The following PCDH11X variants were observed in gnomAD, a reference collection of about 807,000 sequenced individuals.
PCDH11X encodes protocadherin 11 X-linked, also known as protocadherin-11 X-linked.
Under a neutral mutation model 53.3 loss-of-function variants are expected in PCDH11X, and 18 were observed. The observed-to-expected ratio is 0.34, with a 90% CI of 0.23 to 0.50. PCDH11X has a LOEUF of 0.50. Ranked by LOEUF, PCDH11X falls within the 20% of genes least tolerant of loss-of-function variation. The pLI is 0.98. For missense variants in PCDH11X, 570 were observed against 1,032.4 expected (o/e 0.55, Z 6.14); for synonymous variants, 279 against 393.3 (o/e 0.71, Z 3.44).
intron 10 of PCDH11X, among the ~76,000 whole-genome samples, chrX:92,525,024 A>T (rs2074425334): frequency 8.9e-6 from 1 of 111,884 alleles, no homozygotes; most frequent in African/African-American, 3.2e-5. Flanking sequence ...AGGAATCCTT[A>T]AATGGAAACT....
intron 6 of PCDH11X, among the ~76,000 whole-genome samples, chrX:92,184,596 T>C (rs2066057924): frequency 8.9e-6 from 1 of 111,874 alleles, no homozygotes; most frequent in Non-Finnish European, 1.9e-5. Flanking sequence ...TACAAAGCTA[T>C]AGTAACAAAA....
At chrX:92,371,170 T>C (rs1257395664) in intron 8 of PCDH11X, among the ~76,000 whole-genome samples, 2 of 110,512 alleles carry the variant, frequency 1.8e-5, no homozygotes, top group Non-Finnish European at 3.8e-5. Flanking sequence ...GCCAGTGTAA[T>C]GTCTTATAAT....
chrX:92,474,989 C>G (rs948846104), intron 10 of PCDH11X, among the ~76,000 whole-genome samples: 2 of 103,031 alleles, frequency 1.9e-5, no homozygotes, highest in Non-Finnish European at 2.0e-5. Context: ...GACGGTGAAA[C>G]CCCGTCTCTA....
chrX:92,433,070 T>C, intron 9 of PCDH11X, among the ~76,000 whole-genome samples: 1 of 110,704 alleles, frequency 9.0e-6, no homozygotes, highest in African/African-American at 3.3e-5. Context: ...CCTTAGTTTC[T>C]GCAATAGAAA....
Position 92,623,187 on chromosome X carries a change from T to G in PCDH11X, c.*4247T>G, listed in dbSNP as rs1928643856. The G allele has an allele frequency of 9.0e-6, 1 of 110,683 alleles. No homozygotes were observed. The allele number at this position is 110,683 out of a possible 1,213,427, so 9.1% of individuals were successfully genotyped here. ...GTTCTATTTCAGGTTCTGTATTGCATGTTTTCTTATTAATATATATTAATA... is the reference window on the plus strand; with the variant it reads ...GTTCTATTTCAGGTTCTGTATTGCAGGTTTTCTTATTAATATATATTAATA... On this transcript the variant is annotated 3_prime_UTR_variant, in exon 11 of 11. Coordinates refer to ENST00000682573, the MANE Select transcript of PCDH11X (RefSeq NM_032968.5).
chrX:92,360,626 G>A (rs1224568474), intron 8 of PCDH11X, among the ~76,000 whole-genome samples: 1 of 110,568 alleles, frequency 9.0e-6, no homozygotes, highest in Non-Finnish European at 1.9e-5. Flanking sequence ...AAGTTTTCTA[G>A]ATATCATCAA....
At chrX:92,278,806 G>GTTTTTTTTCTTTTTT (rs2068173579) in intron 8 of PCDH11X, among the ~76,000 whole-genome samples, 13 of 47,378 alleles carry the variant, frequency 2.7e-4, no homozygotes, top group African/African-American at 1.1e-3. Context: ...TCTCTTTTCA[G>GTTTTTTTTCTTTTTT]TTTTTTTTTT....
rs1288500469 is a variant in PCDH11X, at chrX:91,922,643, T to A, written c.3033+43370T>A. On this transcript the variant is annotated intron_variant, in intron 6 of 10. Transcript: ENST00000682573. ...GGAGCATAAACCCTATTGTGAACTG[T>A]GCATGCGAGGGATCTAGGTTGTGCG... Among the ~76,000 whole-genome samples, 4 of 112,295 alleles carry A rather than the reference T, an allele frequency of 3.6e-5. No homozygotes were observed. In the South Asian group the frequency reaches 1.1e-3, roughly 31 times the overall value.
At chrX:92,357,395 T>C (rs2070236039) in intron 8 of PCDH11X, among the ~76,000 whole-genome samples, 1 of 111,529 alleles carries the variant, frequency 9.0e-6, no homozygotes, top group South Asian at 3.8e-4. Context: ...TTTTACCCTG[T>C]GCTATGGTCA....
intron 6 of PCDH11X, among the ~76,000 whole-genome samples, chrX:92,086,643 G>T: frequency 9.0e-6 from 1 of 111,386 alleles, no homozygotes; most frequent in African/African-American, 3.3e-5. Flanking sequence ...GTGCAATAGA[G>T]GACATACACC....
intron 6 of PCDH11X, among the ~76,000 whole-genome samples, chrX:92,144,145 C>T (rs1219284399): frequency 2.7e-5 from 3 of 110,771 alleles, no homozygotes; most frequent in African/African-American, 1.0e-4. Flanking sequence ...ATTATATAGG[C>T]TCATAGGCAG....
intron 10 of PCDH11X, among the ~76,000 whole-genome samples, chrX:92,497,417 A>ATTT (rs368282010): frequency 7.3e-4 from 77 of 105,357 alleles, no homozygotes; most frequent in Admixed American, 3.8e-3. Context: ...CTTTGTAAGA[A>ATTT]TTTTTTTTTT....
At chrX:92,259,748 A>G (rs759082529) in intron 7 of PCDH11X, among the ~76,000 whole-genome samples, 8 of 111,753 alleles carry the variant, frequency 7.2e-5, no homozygotes, top group Middle Eastern at 4.6e-3. Context: ...AAGGTCCTTG[A>G]TGTAGTACCT....
intron 8 of PCDH11X, among the ~76,000 whole-genome samples, chrX:92,276,063 G>A (rs956067292): frequency 3.5e-4 from 38 of 109,799 alleles, no homozygotes; most frequent in Middle Eastern, 9.3e-3. Context: ...GGGCAGGTGG[G>A]GATAACTAAA....
chrX:92,214,133 A>T (rs2066642099), intron 7 of PCDH11X, among the ~76,000 whole-genome samples: 1 of 111,973 alleles, frequency 8.9e-6, no homozygotes, highest in Admixed American at 9.5e-5. Flanking sequence ...ATTGAGAGTG[A>T]AATGGAGGCC....
chrX:91,914,789 A>C (rs113841781), intron 6 of PCDH11X, among the ~76,000 whole-genome samples: 1,546 of 112,151 alleles, frequency 0.014, 36 homozygotes, highest in African/African-American at 0.048. Flanking sequence ...GGTGTTCCTG[A>C]GAAGAGAAAT....
intron 6 of PCDH11X, among the ~76,000 whole-genome samples, chrX:91,974,099 T>C (rs2062013467): frequency 9.0e-6 from 1 of 111,637 alleles, no homozygotes; most frequent in African/African-American, 3.3e-5. Flanking sequence ...TAGCAAAGCT[T>C]TAAGAATGTT....
chrX:92,201,945 TG>T (rs2066398308), intron 7 of PCDH11X, among the ~76,000 whole-genome samples: 1 of 111,392 alleles, frequency 9.0e-6, no homozygotes, highest in Non-Finnish European at 1.9e-5. Context: ...AGAATTCAAC[TG>T]AGGAACATAA....
chrX:92,515,015 C>G (rs1320308328), intron 10 of PCDH11X, among the ~76,000 whole-genome samples: 1 of 96,212 alleles, frequency 1.0e-5, no homozygotes, highest in African/African-American at 3.9e-5. Flanking sequence ...CCACTGCACT[C>G]CAGCCTGGGC....
Sources: gnomAD v4.1 joint callset for allele counts (sites outside exome capture counted in the v4.1 genomes callset) on GRCh38, gnomAD v4.1.1 for gene constraint, MANE v1.5 for transcripts, NCBI Gene and HGNC (gene_info 2026-07-23, HGNC 2026-07-21) for gene names.